The following ARHGEF4 variants were observed in gnomAD, a reference collection of about 807,000 sequenced individuals.
ARHGEF4 encodes APC-stimulated guanine nucleotide exchange factor 1.
A neutral mutation model predicts 162.0 loss-of-function variants in ARHGEF4; 119 were observed. That is an observed-to-expected ratio of 0.73 (90% CI 0.63 to 0.86). The LOEUF is 0.86. ARHGEF4 is among the 40% of genes least tolerant of loss of function. The pLI, the probability that ARHGEF4 is intolerant of heterozygous loss-of-function variation, is 0.00. For missense variants in ARHGEF4, 2,488 were observed against 2,456.0 expected (o/e 1.01, Z -0.28); for synonymous variants, 1,014 against 979.9 (o/e 1.03, Z -0.65).
intron 3 of ARHGEF4, among the ~76,000 whole-genome samples, chr2:130,934,745 T>A (rs892958734): frequency 7.9e-5 from 12 of 152,218 alleles, no homozygotes; most frequent in Non-Finnish European, 1.8e-4. Context: ...GGTTTCACCA[T>A]GTTGGCCAGG....
At chr2:130,998,867 T>C (rs749573769) in intron 4 of ARHGEF4, among the ~76,000 whole-genome samples, 2 of 152,172 alleles carry the variant, frequency 1.3e-5, no homozygotes, top group African/African-American at 2.4e-5. Flanking sequence ...TAAGACTAGA[T>C]TTAGTTTCAT....
chr2:130,889,473 A>AG (rs1278591424), intron 1 of ARHGEF4, among the ~76,000 whole-genome samples: 12 of 152,034 alleles, frequency 7.9e-5, no homozygotes, highest in African/African-American at 2.7e-4. Context: ...GATTTGCCTT[A>AG]GTGAGAGGCT....
At chr2:130,950,686 A>ACCCCCC (rs141201333) in intron 4 of ARHGEF4, among the ~76,000 whole-genome samples, 6 of 142,292 alleles carry the variant, frequency 4.2e-5, no homozygotes, top group Non-Finnish European at 7.7e-5. Flanking sequence ...TTTAGCTATT[A>ACCCCCC]CCCCCCACCA....
chr2:130,985,900 T>G (rs1686454776), intron 4 of ARHGEF4, among the ~76,000 whole-genome samples: 1 of 151,892 alleles, frequency 6.6e-6, no homozygotes, highest in African/African-American at 2.4e-5. Flanking sequence ...TTGTGTGCAT[T>G]GTGAGTGATG....
intron 4 of ARHGEF4, among the ~76,000 whole-genome samples, chr2:130,959,316 T>A (rs1263608812): frequency 6.6e-6 from 1 of 152,048 alleles, no homozygotes; most frequent in East Asian, 1.9e-4. Context: ...AGGTTTACAG[T>A]GTCATTTGCC....
chr2:130,864,204 A>AG (rs1168208169), intron 1 of ARHGEF4, among the ~76,000 whole-genome samples: 30 of 149,374 alleles, frequency 2.0e-4, no homozygotes, highest in African/African-American at 5.6e-4. Flanking sequence ...AAAGAAAGAA[A>AG]AAAAAAAAAA....
intron 4 of ARHGEF4, among the ~76,000 whole-genome samples, chr2:130,955,993 C>A (rs1684246514): frequency 6.6e-6 from 1 of 152,220 alleles, no homozygotes; most frequent in Non-Finnish European, 1.5e-5. Flanking sequence ...CTGCTTCCCC[C>A]AGGCAAAATC....
intron 4 of ARHGEF4, among the ~76,000 whole-genome samples, chr2:130,980,907 C>T (rs1340695856): frequency 1.3e-5 from 2 of 152,164 alleles, no homozygotes; most frequent in African/African-American, 4.8e-5. Context: ...GTACCCATAT[C>T]ACAGTTTTTC....
intron 1 of ARHGEF4, among the ~76,000 whole-genome samples, chr2:130,896,718 T>TA (rs1680178958): frequency 6.6e-6 from 1 of 152,180 alleles, no homozygotes; most frequent in Admixed American, 6.5e-5. Context: ...CACTGTCACT[T>TA]ATATTTGGCA....
chr2:131,040,317 T>C lies in ARHGEF4; in HGVS notation c.4539T>C (p.Arg1513=), dbSNP rs1284654672. 1.2e-6 allele frequency: 2 copies of C among 1,612,952 alleles called. No individual in the cohort carries two copies. The highest frequency in any genetic ancestry group is 4.5e-5 in the East Asian group (2 of 44,858). Reference sequence around the variant, plus strand: ...ACATGTTCAGCGAGGAGCAGCTGCGTACCATCTTCGGGAACATCGAGGACA... The same window carrying C: ...ACATGTTCAGCGAGGAGCAGCTGCGCACCATCTTCGGGAACATCGAGGACA... ...RADMFSEEQL[R]TIFGNIEDIY... Residue 1513 remains arginine, a synonymous_variant, in exon 8 of 14, where the codon CGT becomes CGC. Coordinates refer to ENST00000409359, the MANE Select transcript of ARHGEF4 (RefSeq NM_001367493.1).
intron 4 of ARHGEF4, among the ~76,000 whole-genome samples, chr2:130,961,934 C>T (rs557662551): frequency 6.6e-5 from 10 of 152,100 alleles, no homozygotes; most frequent in African/African-American, 2.2e-4. Context: ...ACTGCTCTTC[C>T]CAAGGACAAG....
chr2:130,984,296 A>G (rs1388945644), intron 4 of ARHGEF4, among the ~76,000 whole-genome samples: 1 of 152,196 alleles, frequency 6.6e-6, no homozygotes, highest in East Asian at 1.9e-4. Flanking sequence ...TTAGAACAGC[A>G]GCACAGAAAC....
At chr2:131,035,415 G>A (rs2105389264) in intron 5 of ARHGEF4, 2 of 686,902 alleles carry the variant, frequency 2.9e-6, no homozygotes, top group Admixed American at 4.8e-5. Flanking sequence ...GTCGCCGAGC[G>A]GGTGCCTGAG....
At chr2:130,981,066 TAA>T (rs1202460384) in intron 4 of ARHGEF4, among the ~76,000 whole-genome samples, 3 of 152,210 alleles carry the variant, frequency 2.0e-5, no homozygotes, top group Admixed American at 1.3e-4. Context: ...GTTCAGAACT[TAA>T]GTCTTTTATT....
At position 131,045,284 on chromosome 2, in the gene ARHGEF4, G is replaced by A. The variant is rs533933535; in HGVS notation, c.5402-85G>A. ...AGTCCCCAGTACATGATGAGACCCT[G>A]GGCACCAGGAAGGTGCAGGTGTGCA... is the stretch of plus-strand genomic sequence containing the variant. On this transcript the variant is annotated intron_variant, in intron 12 of 13. Coordinates refer to ENST00000409359, the MANE Select transcript of ARHGEF4 (RefSeq NM_001367493.1). The A allele has an allele frequency of 1.8e-5, 23 of 1,243,892 alleles. No homozygotes were observed. The East Asian group carries it at 4.7e-4, about 25-fold the overall frequency. The allele number at this position is 1,243,892 out of a possible 1,614,324, so 77.1% of individuals were successfully genotyped here. A position where few individuals can be genotyped will look rare whatever the true frequency, so the allele number is the denominator to read the frequency against.
intron 4 of ARHGEF4, among the ~76,000 whole-genome samples, chr2:130,995,356 C>T (rs1440082141): frequency 6.6e-6 from 1 of 152,090 alleles, no homozygotes; most frequent in Non-Finnish European, 1.5e-5. Flanking sequence ...CAAGAGCTTC[C>T]GTTTGTTTCT....
At position 130,931,167 on chromosome 2, in the gene ARHGEF4, G is replaced by A. The variant is rs1682609190; in HGVS notation, c.3768G>A (p.Trp1256Ter). 6.2e-7 allele frequency: 1 copy of A among 1,614,186 alleles called. No homozygotes were observed. ...CGCCCGTCAGTGTGGATGACCTGTG[G>A]CTGGAGAAGACACAGAGAAAGAAGT... ...HRSPVSVDDL[W>*]LEKTQRKKLQ... The change falls in exon 3 of 14, where the codon TGG (tryptophan) becomes TGA (stop). Residue 1256 changes from tryptophan (W) to a stop codon, truncating the protein, a stop_gained. Transcript: ENST00000409359. LOFTEE classifies it high-confidence loss of function.
intron 1 of ARHGEF4, among the ~76,000 whole-genome samples, chr2:130,910,270 C>T (rs1681093014): frequency 6.6e-6 from 1 of 152,000 alleles, no homozygotes; most frequent in South Asian, 2.1e-4. Flanking sequence ...ATGAAAAGCA[C>T]ACCTAAAGAA....
intron 4 of ARHGEF4, among the ~76,000 whole-genome samples, chr2:130,967,747 T>A (rs1045576701): frequency 2.6e-5 from 4 of 152,218 alleles, no homozygotes; most frequent in African/African-American, 9.6e-5. Flanking sequence ...TTATGTGTGC[T>A]AAGCACGCTG....
Sources: gnomAD v4.1 joint callset for allele counts (sites outside exome capture counted in the v4.1 genomes callset) on GRCh38, gnomAD v4.1.1 for gene constraint, MANE v1.5 for transcripts, NCBI Gene and HGNC (gene_info 2026-07-23, HGNC 2026-07-21) for gene names.